Variants in SPAG16 observed in about 807,000 individuals in gnomAD.
SPAG16 encodes sperm associated antigen 16.
Under a neutral mutation model 80.4 loss-of-function variants are expected in SPAG16, and 86 were observed. The observed-to-expected ratio is 1.07, with a 90% CI of 0.90 to 1.28. The LOEUF (loss-of-function observed/expected upper bound fraction) is 1.28, where lower values mean the gene tolerates loss of function less well. Among genes scored for constraint, SPAG16 ranks in the 50% most tolerant of loss-of-function variants. SPAG16 has a pLI of 0.00. For synonymous variants in SPAG16, 294 were observed against 265.9 expected (o/e 1.11, Z -1.03); for missense variants, 870 against 765.3 (o/e 1.14, Z -1.61).
At chr2:213,895,663 T>G (rs758527886) in intron 11 of SPAG16, among the ~76,000 whole-genome samples, 3 of 152,298 alleles carry the variant, frequency 2.0e-5, no homozygotes, top group East Asian at 1.9e-4. Context: ...GGAAAGGATA[T>G]TCTACATATG....
chr2:213,994,313 TG>T (rs1345849314), intron 12 of SPAG16, among the ~76,000 whole-genome samples: 6 of 152,122 alleles, frequency 3.9e-5, no homozygotes, highest in African/African-American at 1.4e-4. Context: ...TTTAATGAAA[TG>T]TTAAATGAAT....
chr2:213,521,369 A>G (rs1047506739), intron 10 of SPAG16, among the ~76,000 whole-genome samples: 15 of 152,166 alleles, frequency 9.9e-5, no homozygotes, highest in African/African-American at 3.4e-4. Flanking sequence ...TCTGACTTGC[A>G]GTGCTGATTC....
intron 15 of SPAG16, among the ~76,000 whole-genome samples, chr2:214,189,405 T>C (rs919963578): frequency 1.3e-5 from 2 of 152,138 alleles, no homozygotes; most frequent in Non-Finnish European, 2.9e-5. Context: ...TTTATCATTG[T>C]CTCTGCCAGG....
chr2:214,045,552 CT>C (rs1476201472), intron 13 of SPAG16, among the ~76,000 whole-genome samples: 1 of 152,102 alleles, frequency 6.6e-6, no homozygotes, highest in Non-Finnish European at 1.5e-5. Context: ...TAGATATCAC[CT>C]CATCCCTGGG....
chr2:213,552,095 A>G (rs1268029859), intron 10 of SPAG16, among the ~76,000 whole-genome samples: 6 of 152,188 alleles, frequency 3.9e-5, no homozygotes, highest in Non-Finnish European at 7.4e-5. Flanking sequence ...AGGTGTGCAG[A>G]GATATTTGGT....
chr2:214,025,927 A>T (rs547128306), intron 13 of SPAG16, among the ~76,000 whole-genome samples: 7 of 151,684 alleles, frequency 4.6e-5, no homozygotes, highest in African/African-American at 1.7e-4. Flanking sequence ...TCTGTAAAAG[A>T]TTTACTAAGA....
chr2:214,171,919 A>T (rs1262567501), intron 15 of SPAG16, among the ~76,000 whole-genome samples: 1 of 151,934 alleles, frequency 6.6e-6, no homozygotes, highest in African/African-American at 2.4e-5. Flanking sequence ...TGGGGTACAT[A>T]TAGATAAATG....
At chr2:213,816,184 T>C (rs2072524315) in intron 10 of SPAG16, among the ~76,000 whole-genome samples, 1 of 152,180 alleles carries the variant, frequency 6.6e-6, no homozygotes, top group African/African-American at 2.4e-5. Context: ...ATATACTTTT[T>C]TGTATGTGAT....
At chr2:214,001,427 G>A (rs978944853) in intron 12 of SPAG16, among the ~76,000 whole-genome samples, 2 of 152,162 alleles carry the variant, frequency 1.3e-5, no homozygotes, top group Non-Finnish European at 2.9e-5. Flanking sequence ...CTGTATGATT[G>A]AAACTATGAG....
At chr2:213,326,674 C>A (rs543395359) in intron 5 of SPAG16, among the ~76,000 whole-genome samples, 13 of 151,852 alleles carry the variant, frequency 8.6e-5, no homozygotes, top group Non-Finnish European at 1.8e-4. Flanking sequence ...TCAGAAATTA[C>A]TTTGATTCAA....
At chr2:213,584,278 G>A (rs1309749767) in intron 10 of SPAG16, among the ~76,000 whole-genome samples, 1 of 151,596 alleles carries the variant, frequency 6.6e-6, no homozygotes, top group East Asian at 1.9e-4. Flanking sequence ...TCTTGAATGA[G>A]GCCCAGCATT....
intron 10 of SPAG16, among the ~76,000 whole-genome samples, chr2:213,664,450 G>A (rs1233659691): frequency 1.3e-5 from 2 of 151,996 alleles, no homozygotes; most frequent in African/African-American, 2.4e-5. Flanking sequence ...AATTATTTCA[G>A]GATAACAGAG....
intron 15 of SPAG16, among the ~76,000 whole-genome samples, chr2:214,153,464 AT>A (rs1353734777): frequency 6.6e-6 from 1 of 152,150 alleles, no homozygotes; most frequent in Admixed American, 6.5e-5. Flanking sequence ...CTTGTTTTAT[AT>A]TTTATTATTC....
chr2:213,845,019 A>G (rs934767199), intron 10 of SPAG16, among the ~76,000 whole-genome samples: 3 of 152,202 alleles, frequency 2.0e-5, no homozygotes, highest in African/African-American at 7.2e-5. Flanking sequence ...TGGATGAAAC[A>G]TTATTCAAAT....
intron 9 of SPAG16, among the ~76,000 whole-genome samples, chr2:213,387,147 A>G (rs901604074): frequency 1.3e-5 from 2 of 152,042 alleles, no homozygotes; most frequent in Non-Finnish European, 2.9e-5. Context: ...AAAGGATCAA[A>G]TGGTATCCAC....
At chr2:214,242,033 T>G (rs1012303895) in intron 15 of SPAG16, among the ~76,000 whole-genome samples, 1 of 152,246 alleles carries the variant, frequency 6.6e-6, no homozygotes, top group African/African-American at 2.4e-5. Context: ...AGTCAGCACT[T>G]GGAAAACTGA....
At chr2:213,866,015 G>A (rs1487435690) in intron 11 of SPAG16, among the ~76,000 whole-genome samples, 2 of 150,600 alleles carry the variant, frequency 1.3e-5, no homozygotes, top group African/African-American at 2.4e-5. Context: ...AAATCAAGAT[G>A]GAAGAAAAAC....
chr2:214,192,864 A>G (rs1008278105), intron 15 of SPAG16, among the ~76,000 whole-genome samples: 4 of 152,104 alleles, frequency 2.6e-5, no homozygotes, highest in Non-Finnish European at 5.9e-5. Context: ...GTCTTACATC[A>G]AGTTCCCCTA....
chr2:213,719,642 A>T (rs1455917808), intron 10 of SPAG16, among the ~76,000 whole-genome samples: 1 of 152,214 alleles, frequency 6.6e-6, no homozygotes, highest in East Asian at 1.9e-4. Context: ...ACACAATACC[A>T]TCTCATGCTA....
Sources: allele counts gnomAD v4.1 joint callset (sites outside exome capture counted in the v4.1 genomes callset), GRCh38; gene constraint gnomAD v4.1.1; transcripts MANE v1.5; gene names NCBI Gene and HGNC (gene_info 2026-07-23, HGNC 2026-07-21).